The following UNC80 variants were observed in gnomAD, a reference collection of about 807,000 sequenced individuals.
UNC80 encodes protein unc-80 homolog.
A neutral mutation model predicts 384.6 loss-of-function variants in UNC80; 164 were observed. The ratio of observed to expected loss-of-function variants is 0.43; its 90% CI spans 0.38 to 0.49. UNC80 has a LOEUF of 0.49. UNC80 is among the 20% of genes least tolerant of loss of function. The pLI, the probability that UNC80 is intolerant of heterozygous loss-of-function variation, is 0.00. For synonymous variants in UNC80, 1,486 were observed against 1,527.8 expected (o/e 0.97, Z 0.64); for missense variants, 3,330 against 4,143.0 (o/e 0.80, Z 5.39).
chr2:209,882,220 C>A (rs1208562865), intron 25 of UNC80, among the ~76,000 whole-genome samples: 1 of 152,044 alleles, frequency 6.6e-6, no homozygotes, highest in African/African-American at 2.4e-5. Flanking sequence ...CCTGCCTTGG[C>A]CTCCCAAAGT....
chr2:209,881,276 A>G (rs1476391508), intron 25 of UNC80, among the ~76,000 whole-genome samples, 182 bp downstream of exon 25: 6 of 152,212 alleles, frequency 3.9e-5, no homozygotes. Flanking sequence ...ACAAATAATA[A>G]TAACTCCAAA....
At chr2:209,984,991 T>A (rs932464471) in intron 61 of UNC80, 79 bp downstream of exon 61, 1 of 1,268,786 alleles carries the variant, frequency 7.9e-7, no homozygotes, top group Non-Finnish European at 1.1e-6. Flanking sequence ...TCTCTCTGTC[T>A]TCTCTGTCTC....
At chr2:209,772,257 C>CCG in intron 1 of UNC80, 93 bp downstream of exon 1, 1 of 571,042 alleles carries the variant, frequency 1.8e-6, no homozygotes, top group Non-Finnish European at 2.5e-6. Context: ...GCCGCTGAGG[C>CCG]CGCGCCACAG....
At chr2:209,931,364 A>AACACACACACACACACAC (rs61386739) in intron 38 of UNC80, among the ~76,000 whole-genome samples, 5 of 125,556 alleles carry the variant, frequency 4.0e-5, no homozygotes, top group East Asian at 2.4e-4. Flanking sequence ...TCTATGTTTA[A>AACACACACACACACACAC]ACACACACAC....
chr2:209,779,403 T>C (rs1422097925), intron 4 of UNC80, among the ~76,000 whole-genome samples: 1 of 152,202 alleles, frequency 6.6e-6, no homozygotes, highest in East Asian at 1.9e-4. Context: ...TTGTCATTGG[T>C]TTACTCAGAA....
chr2:209,867,030 T>G (rs1276838851), intron 22 of UNC80, among the ~76,000 whole-genome samples: 1 of 152,264 alleles, frequency 6.6e-6, no homozygotes, highest in African/African-American at 2.4e-5. Context: ...ATTTATCATT[T>G]ATTTGTGTTG....
intron 55 of UNC80, 44 bp downstream of exon 55, chr2:209,972,368 T>C: frequency 6.5e-7 from 1 of 1,542,602 alleles, no homozygotes; most frequent in Non-Finnish European, 8.7e-7. Flanking sequence ...TGTTGTTGTG[T>C]TCTCTTAAAT....
At chr2:209,969,314 G>A (rs949607617) in intron 52 of UNC80, 11 of 156,312 alleles carry the variant, frequency 7.0e-5, no homozygotes, top group Non-Finnish European at 1.4e-4. Context: ...CTTCTAATGT[G>A]ATCTTCTTGG....
At chr2:209,875,684 G>C (rs985986513) in intron 23 of UNC80, among the ~76,000 whole-genome samples, 2 of 151,920 alleles carry the variant, frequency 1.3e-5, no homozygotes, top group African/African-American at 4.8e-5. Context: ...CAATTATGTG[G>C]CCCCTCTGTC....
intron 23 of UNC80, among the ~76,000 whole-genome samples, chr2:209,876,130 C>A (rs1179987977): frequency 6.6e-6 from 1 of 152,140 alleles, no homozygotes; most frequent in Non-Finnish European, 1.5e-5. Context: ...GTTATTACAT[C>A]CCTCAATAGA....
At chr2:209,877,476 G>C (rs1465106147) in intron 23 of UNC80, among the ~76,000 whole-genome samples, 3 of 152,086 alleles carry the variant, frequency 2.0e-5, no homozygotes, top group Non-Finnish European at 4.4e-5. Context: ...TATAATGACA[G>C]ATAGAAAAAA....
At chr2:209,825,885 C>A in intron 13 of UNC80, 22 bp from the exon 14 acceptor site, 3 of 1,509,182 alleles carry the variant, frequency 2.0e-6, no homozygotes, top group Non-Finnish European at 2.7e-6. Flanking sequence ...ACTTTTCTTT[C>A]TTTCTCATTC....
chr2:209,851,869 T>C (rs916249335), intron 22 of UNC80, among the ~76,000 whole-genome samples: 2 of 152,078 alleles, frequency 1.3e-5, no homozygotes, highest in African/African-American at 4.8e-5. Flanking sequence ...ATACTGACTC[T>C]CTTATTAAAA....
intron 5 of UNC80, among the ~76,000 whole-genome samples, chr2:209,787,840 T>A (rs2077539994): frequency 6.6e-6 from 1 of 152,234 alleles, no homozygotes; most frequent in Non-Finnish European, 1.5e-5. Context: ...TCCTACTACC[T>A]ATTTTTATTA....
At chr2:209,832,789 A>G (rs371998681) in intron 16 of UNC80, among the ~76,000 whole-genome samples, 5 of 152,336 alleles carry the variant, frequency 3.3e-5, no homozygotes, top group African/African-American at 9.6e-5. Context: ...ACTATATTAA[A>G]AAAGAAATCT....
intron 62 of UNC80, 95 bp downstream of exon 62, chr2:209,992,342 G>A (rs2093407693): frequency 8.4e-7 from 1 of 1,187,656 alleles, no homozygotes; most frequent in Admixed American, 2.3e-5. Context: ...TTTTGCTGCT[G>A]GACGTGCCCG....
At chr2:209,843,345 A>C (rs1386050045) in intron 21 of UNC80, among the ~76,000 whole-genome samples, 1 of 152,214 alleles carries the variant, frequency 6.6e-6, no homozygotes, top group East Asian at 1.9e-4. Flanking sequence ...TGTATTGATT[A>C]ATTTTTGCTA....
chr2:209,774,761 T>A (rs1186893556), intron 2 of UNC80, among the ~76,000 whole-genome samples: 1 of 152,170 alleles, frequency 6.6e-6, no homozygotes, highest in Non-Finnish European at 1.5e-5. Flanking sequence ...TAAAGGCCTT[T>A]ATCTAGTTTC....
At position 209,820,551 on chromosome 2, in the gene UNC80, A is replaced by G; in HGVS notation, c.2203A>G (p.Ser735Gly). The G allele has an allele frequency of 1.9e-6, 3 of 1,550,708 alleles. No homozygotes were observed. The highest frequency in any genetic ancestry group is 2.6e-6 in the Non-Finnish European group (3 of 1,146,770). The stretch of plus-strand genomic sequence containing the variant: ...CTGTGGATTCGGAGGCCCTGCTGTT[A>G]GTGGAGCTGGAGATGGTGGAGGAGA... The part of the protein sequence containing the change: ...STCGFGGPAV[S>G]GAGDGGGEEG... Residue 735 changes from serine to glycine, a missense_variant, in exon 13 of 65, where the codon AGT becomes GGT. This residue lies in a region of UNC80 where 937 missense variants were observed against 1,026.8 expected (regional missense o/e 0.91). Coordinates refer to ENST00000673920, the MANE Select transcript of UNC80 (RefSeq NM_001371986.1).
Sources: gnomAD v4.1 joint callset for allele counts (sites outside exome capture counted in the v4.1 genomes callset) on GRCh38, gnomAD v4.1.1 for gene constraint, gnomAD v4.1.1 regional missense constraint, MANE v1.5 for transcripts, NCBI Gene and HGNC (gene_info 2026-07-23, HGNC 2026-07-21) for gene names.